The following POLR3B variants were observed in gnomAD, a reference collection of about 807,000 sequenced individuals.
The protein encoded by POLR3B is DNA-directed RNA polymerase III subunit RPC2.
A neutral mutation model predicts 147.4 loss-of-function variants in POLR3B; 96 were observed. That is an observed-to-expected ratio of 0.65 (90% confidence interval 0.55 to 0.77). The LOEUF (loss-of-function observed/expected upper bound fraction) is 0.77. Ranked by LOEUF, POLR3B falls within the 30% of genes least tolerant of loss-of-function variation. The pLI, the probability that POLR3B is intolerant of heterozygous loss-of-function variation, is 0.00. For synonymous variants in POLR3B, 461 were observed against 485.9 expected, an observed-to-expected ratio of 0.95 and a Z score of 0.67; for missense variants, 1,036 against 1,413.5, an observed-to-expected ratio of 0.73 and a Z score of 4.28.
intron 10 of POLR3B, among the ~76,000 whole-genome samples, chr12:106,393,824 G>A (rs1359742510): frequency 6.7e-6 from 1 of 149,950 alleles, no homozygotes; most frequent in Non-Finnish European, 1.5e-5. Flanking sequence ...AAAAATAATT[G>A]CACTTCCCTT....
chr12:106,422,374 G>C (rs539229509), intron 12 of POLR3B, among the ~76,000 whole-genome samples: 2 of 152,302 alleles, frequency 1.3e-5, no homozygotes, highest in African/African-American at 4.8e-5. Flanking sequence ...CCCAGAAACT[G>C]AGCAGATGGC....
chr12:106,370,113 G>T (rs532927855), intron 6 of POLR3B, among the ~76,000 whole-genome samples: 186 of 152,222 alleles, frequency 1.2e-3, no homozygotes, highest in Non-Finnish European at 2.3e-3. Flanking sequence ...TTGCGTTTTT[G>T]CAATCTGCCC....
chr12:106,471,119 C>T (rs538631941), intron 23 of POLR3B, among the ~76,000 whole-genome samples: 7 of 152,238 alleles, frequency 4.6e-5, no homozygotes, highest in Admixed American at 1.3e-4. Flanking sequence ...GCTTCCCTGC[C>T]GCTTTGTTTA....
chr12:106,466,684 C>G (rs1592757331), intron 23 of POLR3B, among the ~76,000 whole-genome samples: 2 of 152,142 alleles, frequency 1.3e-5, no homozygotes, highest in South Asian at 2.1e-4. Context: ...AGCCAGTTTT[C>G]CCAACACCAT....
chr12:106,400,589 A>G, intron 10 of POLR3B, among the ~76,000 whole-genome samples: 1 of 152,244 alleles, frequency 6.6e-6, no homozygotes. Flanking sequence ...AGCACTCTTC[A>G]GCAAATGTAA....
At chr12:106,454,757 T>A in intron 20 of POLR3B, 46 bp downstream of exon 20, 1 of 976,880 alleles carries the variant, frequency 1.0e-6, no homozygotes, top group Middle Eastern at 2.1e-4. Context: ...TTTTGCAGAA[T>A]TAGATATAGG....
rs554148628 is a variant in POLR3B, at chr12:106,497,197, G to A, written c.2984+279G>A. Among the ~76,000 whole-genome samples the A allele has an allele frequency of 3.0e-5, 3 of 99,694 alleles. No individual in the cohort carries two copies. The Admixed American group carries it at 3.7e-4, about 12-fold the overall frequency. 65.4% of individuals were successfully genotyped at this position (99,694 alleles called of 152,430 possible). On this transcript the variant is annotated intron_variant, in intron 25 of 27. Transcript: ENST00000228347. ...TTAGCGTATTTTATGTGTGGCCCAA[G>A]ACAATTCTTCTTCTTCCCGTATGAC...
chr12:106,392,265 C>T (rs867874564), intron 9 of POLR3B, among the ~76,000 whole-genome samples: 53 of 152,264 alleles, frequency 3.5e-4, no homozygotes, highest in Admixed American at 7.2e-4. Flanking sequence ...CGGGTTCAAG[C>T]GATTCTCCTG....
intron 23 of POLR3B, among the ~76,000 whole-genome samples, chr12:106,472,324 C>T (rs1222108998): frequency 4.0e-5 from 6 of 151,810 alleles, no homozygotes; most frequent in Non-Finnish European, 5.9e-5. Flanking sequence ...AATAAACATA[C>T]GTGTGCATGT....
intron 11 of POLR3B, among the ~76,000 whole-genome samples, chr12:106,407,519 A>G (rs1233602634): frequency 1.3e-5 from 2 of 152,144 alleles, no homozygotes; most frequent in African/African-American, 2.4e-5. Context: ...GCCGATATTA[A>G]CATTTGTTTA....
chr12:106,425,913 G>A (rs767945607), intron 12 of POLR3B, among the ~76,000 whole-genome samples: 14 of 152,164 alleles, frequency 9.2e-5, no homozygotes, highest in Non-Finnish European at 1.6e-4. Flanking sequence ...CCATATATAT[G>A]TTGTTTTATG....
intron 19 of POLR3B, among the ~76,000 whole-genome samples, chr12:106,453,847 CT>C (rs1385760102): frequency 6.6e-6 from 1 of 152,168 alleles, no homozygotes; most frequent in Non-Finnish European, 1.5e-5. Flanking sequence ...GAGCCCACCC[CT>C]GATTGGGCTG....
chr12:106,401,737 A>G (rs1047781242), intron 10 of POLR3B, among the ~76,000 whole-genome samples: 1 of 152,228 alleles, frequency 6.6e-6, no homozygotes, highest in African/African-American at 2.4e-5. Context: ...ATAGATGCGG[A>G]AAAGGCCTTT....
chr12:106,497,544 T>C (rs1438827738), intron 25 of POLR3B, among the ~76,000 whole-genome samples: 1 of 152,202 alleles, frequency 6.6e-6, no homozygotes, highest in East Asian at 1.9e-4. Flanking sequence ...AACACATCAA[T>C]TACATATAAT....
chr12:106,429,843 A>G (rs1224797573), intron 13 of POLR3B, among the ~76,000 whole-genome samples: 1 of 152,178 alleles, frequency 6.6e-6, no homozygotes, highest in African/African-American at 2.4e-5. Flanking sequence ...AAAACATCCA[A>G]ATAATAGCAC....
chr12:106,459,038 T>G (rs896892731), intron 21 of POLR3B, among the ~76,000 whole-genome samples: 2 of 149,978 alleles, frequency 1.3e-5, no homozygotes, highest in South Asian at 2.1e-4. Context: ...TGTGTGTGTG[T>G]GTGTGGGTGT....
chr12:106,495,044 T>C (rs1354625911), intron 23 of POLR3B, among the ~76,000 whole-genome samples: 1 of 152,248 alleles, frequency 6.6e-6, no homozygotes, highest in Non-Finnish European at 1.5e-5. Flanking sequence ...GGCAGATAGT[T>C]AATAACTTTA....
chr12:106,462,291 A>G (rs1212070035), intron 22 of POLR3B, among the ~76,000 whole-genome samples: 5 of 152,106 alleles, frequency 3.3e-5, no homozygotes, highest in Admixed American at 3.3e-4. Flanking sequence ...TCTATTGCCC[A>G]GGCTGGAGTG....
At chr12:106,425,499 G>A (rs2037423540) in intron 12 of POLR3B, among the ~76,000 whole-genome samples, 1 of 152,112 alleles carries the variant, frequency 6.6e-6, no homozygotes, top group Admixed American at 6.5e-5. Context: ...TGCCTCCTGG[G>A]ACTTTGCCAG....
Sources: allele counts gnomAD v4.1 joint callset (sites outside exome capture counted in the v4.1 genomes callset), GRCh38; gene constraint gnomAD v4.1.1; transcripts MANE v1.5; gene names NCBI Gene and HGNC (gene_info 2026-07-23, HGNC 2026-07-21).